The following IQCB1 variants were observed in gnomAD, a reference collection of about 807,000 sequenced individuals.
IQCB1 encodes the protein IQ motif containing B1, also known as IQ calmodulin-binding motif-containing protein 1.
Under a neutral mutation model 84.4 loss-of-function variants are expected in IQCB1, and 56 were observed. The observed-to-expected ratio is 0.66, with a 90% CI of 0.54 to 0.83. The LOEUF (loss-of-function observed/expected upper bound fraction) is 0.83. Ranked by LOEUF, IQCB1 falls within the 40% of genes least tolerant of loss-of-function variation. The pLI, the probability that IQCB1 is intolerant of heterozygous loss-of-function variation, is 0.00. For synonymous variants in IQCB1, 210 were observed against 234.8 expected (o/e 0.89, Z 0.96); for missense variants, 629 against 682.1 (o/e 0.92, Z 0.87).
At position 121,818,384 on chromosome 3, in the gene IQCB1, T is replaced by TA. The variant is rs200001475; in HGVS notation, c.393+7666dup. ...TACCTAGTGAGGAAATATCATTTTT[T>TA]AAAAAATCAAATGACAGCTTGGAGC... On this transcript the variant is annotated intron_variant, in intron 5 of 14. Transcript: ENST00000310864. 1.8e-4 allele frequency among the ~76,000 whole-genome samples: 27 copies of TA among 152,342 alleles called. No individual in the cohort carries two copies. The East Asian group carries it at 4.2e-3, about 24-fold the overall frequency.
intron 5 of IQCB1, among the ~76,000 whole-genome samples, chr3:121,811,160 G>A (rs1949813416): frequency 6.6e-6 from 1 of 152,100 alleles, no homozygotes; most frequent in Non-Finnish European, 1.5e-5. Context: ...GTGGGGCATT[G>A]CCTCACCTGG....
rs1427110916 is a variant in IQCB1, at chr3:121,807,335, C to T, written c.587+9G>A. On this transcript the variant is annotated intron_variant, in intron 7 of 14. Coordinates refer to ENST00000310864, the MANE Select transcript of IQCB1 (RefSeq NM_001023570.4). ...AAAAAGCAGTAACATTTTGTAAAAA[C>T]CAAGTCACCTGTTGATCTGTAGTAT... The T allele has an allele frequency of 1.5e-6, 2 of 1,375,782 alleles. No homozygotes were observed. Among genetic ancestry groups the T allele is most frequent in the Non-Finnish European group, 2.1e-6 (2 of 964,264 alleles). 85.2% of individuals were successfully genotyped at this position (1,375,782 alleles called of 1,614,324 possible). A position where few individuals can be genotyped will look rare whatever the true frequency, so the allele number is the denominator to read the frequency against.
chr3:121,814,551 G>C (rs1949972749), intron 5 of IQCB1, among the ~76,000 whole-genome samples: 1 of 152,034 alleles, frequency 6.6e-6, no homozygotes, highest in Non-Finnish European at 1.5e-5. Context: ...AGAAGAATCA[G>C]ATAGACACAA....
At chr3:121,804,676 G>A (rs973248652) in intron 7 of IQCB1, among the ~76,000 whole-genome samples, 3 of 151,888 alleles carry the variant, frequency 2.0e-5, no homozygotes, top group African/African-American at 4.8e-5. Context: ...TTTTGATTAC[G>A]ATGTGCCTCA....
At chr3:121,800,433 T>A (rs144585168) in intron 7 of IQCB1, among the ~76,000 whole-genome samples, 1 of 152,078 alleles carries the variant, frequency 6.6e-6, no homozygotes, top group East Asian at 1.9e-4. Flanking sequence ...ATCAGCAACA[T>A]ACCTTAAATG....
At chr3:121,807,537 C>T (rs768837108) in intron 6 of IQCB1, 94 bp from the exon 7 acceptor site, 15 of 693,712 alleles carry the variant, frequency 2.2e-5, no homozygotes, top group Non-Finnish European at 3.7e-5. Flanking sequence ...AAAGCATGAC[C>T]ATCTCTGCTA....
intron 13 of IQCB1, 65 bp from the exon 14 acceptor site, chr3:121,772,778 T>C: frequency 1.3e-6 from 2 of 1,482,230 alleles, no homozygotes; most frequent in South Asian, 1.1e-5. Context: ...CCCAACCACT[T>C]AGCAGAGGTT....
chr3:121,832,339 T>A (rs1437740647), intron 2 of IQCB1, among the ~76,000 whole-genome samples: 5 of 151,480 alleles, frequency 3.3e-5, no homozygotes. Context: ...TTTTTTTTTT[T>A]TTTTTGAGAG....
chr3:121,790,143 T>C lies in IQCB1; in HGVS notation c.1059A>G (p.Gln353=), dbSNP rs1398281226. The C allele has an allele frequency of 1.2e-6, 2 of 1,613,588 alleles. No individual in the cohort carries two copies. Among genetic ancestry groups the C allele is most frequent in the East Asian group, 2.2e-5 (1 of 44,860 alleles). Reference sequence around the variant, plus strand: ...GTCTCATGGCTCTCTGTCTTTGAAGTTGCAATTGTAATTTGAGGTCCTCTT... The same window carrying C: ...GTCTCATGGCTCTCTGTCTTTGAAGCTGCAATTGTAATTTGAGGTCCTCTT... ...KEEEDLKLQL[Q]LQRQRAMRLS... is the part of the protein sequence containing the mutation. Residue 353 remains glutamine, a synonymous_variant, in exon 11 of 15, where the codon CAA becomes CAG. Transcript: ENST00000310864.
intron 4 of IQCB1, 113 bp from the exon 5 acceptor site, chr3:121,826,293 C>A: frequency 1.9e-6 from 2 of 1,040,726 alleles, no homozygotes; most frequent in South Asian, 2.8e-5. Flanking sequence ...GTTACCAAGA[C>A]AATAAAGAAT....
intron 12 of IQCB1, among the ~76,000 whole-genome samples, chr3:121,786,181 A>AAAGAAGAAAAG (rs1341898274): frequency 8.4e-6 from 1 of 118,932 alleles, no homozygotes; most frequent in Admixed American, 9.6e-5. Context: ...AAAAGAAAAG[A>AAAGAAGAAAAG]AAAGAAAAGA....
At chr3:121,830,222 AT>A (rs756252839) in intron 2 of IQCB1, among the ~76,000 whole-genome samples, 16 of 135,452 alleles carry the variant, frequency 1.2e-4, no homozygotes, top group Non-Finnish European at 1.9e-4. Flanking sequence ...AATAATAATA[AT>A]TAATAAATAA....
intron 5 of IQCB1, among the ~76,000 whole-genome samples, chr3:121,818,579 G>A (rs1451581923): frequency 6.6e-6 from 1 of 152,158 alleles, no homozygotes; most frequent in Non-Finnish European, 1.5e-5. Flanking sequence ...ACAACTTGAA[G>A]ATAGAGCCCA....
chr3:121,827,850 T>C (rs1482784220), intron 4 of IQCB1, among the ~76,000 whole-genome samples: 2 of 152,126 alleles, frequency 1.3e-5, no homozygotes, highest in Non-Finnish European at 2.9e-5. Flanking sequence ...AGGAAGTAGC[T>C]TAGGCACTAA....
intron 5 of IQCB1, among the ~76,000 whole-genome samples, chr3:121,819,292 A>G (rs1023815076): frequency 6.6e-6 from 1 of 152,174 alleles, no homozygotes; most frequent in Non-Finnish European, 1.5e-5. Context: ...TGAGCCTGCA[A>G]CCTAGATCCC....
intron 14 of IQCB1, among the ~76,000 whole-genome samples, chr3:121,772,041 G>T (rs1559745670): frequency 6.6e-6 from 1 of 152,084 alleles, no homozygotes; most frequent in African/African-American, 2.4e-5. Context: ...GGGCGTGGTG[G>T]TGCGCACCTG....
chr3:121,804,229 A>G (rs907714090), intron 7 of IQCB1, among the ~76,000 whole-genome samples: 2 of 152,084 alleles, frequency 1.3e-5, no homozygotes, highest in African/African-American at 4.8e-5. Context: ...CCCAGCCTTA[A>G]TGCCCTTTTG....
chr3:121,809,923 T>A (rs1559786018), intron 5 of IQCB1, among the ~76,000 whole-genome samples: 1 of 149,016 alleles, frequency 6.7e-6, no homozygotes, highest in African/African-American at 2.5e-5. Flanking sequence ...CTAGGACAAG[T>A]GCTGACTTGA....
chr3:121,808,231 A>G (rs1434639682), intron 6 of IQCB1, among the ~76,000 whole-genome samples: 1 of 151,944 alleles, frequency 6.6e-6, no homozygotes, highest in Non-Finnish European at 1.5e-5. Flanking sequence ...TGATCCTTAC[A>G]GAACTATTTG....
Sources: allele counts gnomAD v4.1 joint callset (sites outside exome capture counted in the v4.1 genomes callset), GRCh38; gene constraint gnomAD v4.1.1; transcripts MANE v1.5; gene names NCBI Gene and HGNC (gene_info 2026-07-23, HGNC 2026-07-21).